ASXL3: variants seen among roughly 807,000 people sequenced by gnomAD.
ASXL3 encodes the protein ASXL transcriptional regulator 3.
ASXL3 carries 34 observed loss-of-function variants against 170.6 expected under a neutral mutation model. The ratio of observed to expected loss-of-function variants is 0.20; its 90% CI spans 0.15 to 0.27. ASXL3 has a LOEUF of 0.27. Among genes scored for constraint, ASXL3 ranks in the 10% least tolerant of loss-of-function variants. The pLI, the probability that ASXL3 is intolerant of heterozygous loss-of-function variation, is 1.00. For synonymous variants in ASXL3, 1,002 were observed against 989.1 expected, an observed-to-expected ratio of 1.01 and a Z score of -0.24; for missense variants, 2,592 against 2,695.3, an observed-to-expected ratio of 0.96 and a Z score of 0.85.
In ASXL3 at chr18:33,745,619, G is replaced by C. The variant is rs1240300038; in HGVS notation, c.5771G>C (p.Gly1924Ala). Residue 1924 changes from glycine to alanine, a missense_variant, in exon 12 of 12, where the codon GGT becomes GCT. Around this residue, in one of 4 missense-constraint regions of ASXL3, gnomAD observed 2,246 missense variants for 2,219.6 expected, o/e 1.01. Transcript: ENST00000269197. ...DKNGGFHTDA[G>A]TSHRQQFYQM... ...AATGGCGGCTTCCACACTGACGCTG[G>C]TACCTCACACAGACAGCAGTTTTAC... The C allele has an allele frequency of 6.2e-7, 1 of 1,613,840 alleles. No individual in the cohort carries two copies. Among genetic ancestry groups the C allele is most frequent in the African/African-American group, 1.3e-5 (1 of 74,918 alleles).
chr18:33,673,359 C>T (rs2066375537), intron 7 of ASXL3, among the ~76,000 whole-genome samples: 1 of 147,272 alleles, frequency 6.8e-6, no homozygotes, highest in Non-Finnish European at 1.5e-5. Flanking sequence ...CTCTCAGGGG[C>T]TGAGATCTTC....
At chr18:33,707,542 A>C (rs1330700555) in intron 8 of ASXL3, among the ~76,000 whole-genome samples, 1 of 151,706 alleles carries the variant, frequency 6.6e-6, no homozygotes, top group African/African-American at 2.4e-5. Context: ...TTTCCAGTGA[A>C]TGTGCTAATT....
chr18:33,720,166 C>T (rs1023714045), intron 8 of ASXL3, among the ~76,000 whole-genome samples: 2 of 151,992 alleles, frequency 1.3e-5, no homozygotes, highest in African/African-American at 2.4e-5. Flanking sequence ...AGGCACGCCC[C>T]ATGCTATTAA....
chr18:33,732,136 T>A, intron 9 of ASXL3, 72 bp downstream of exon 9: 1 of 1,262,342 alleles, frequency 7.9e-7, no homozygotes, highest in African/African-American at 1.5e-5. Flanking sequence ...TACCTTTCTC[T>A]GATTTTTCAG....
At chr18:33,715,914 G>A (rs534347605) in intron 8 of ASXL3, among the ~76,000 whole-genome samples, 6 of 152,126 alleles carry the variant, frequency 3.9e-5, no homozygotes, top group Non-Finnish European at 7.4e-5. Flanking sequence ...TTCAGACATT[G>A]CAGACAGCAA....
chr18:33,640,755 TTTTGAAAGAA>T (rs1254556082), intron 2 of ASXL3, among the ~76,000 whole-genome samples: 1 of 152,066 alleles, frequency 6.6e-6, no homozygotes, highest in Non-Finnish European at 1.5e-5. Context: ...TTATTAATTT[TTTTGAAAGAA>T]TGAGCATATA....
intron 4 of ASXL3, among the ~76,000 whole-genome samples, chr18:33,661,404 C>G (rs2066171663): frequency 6.6e-6 from 1 of 152,020 alleles, no homozygotes; most frequent in Admixed American, 6.6e-5. Flanking sequence ...CGGGTTAGGA[C>G]AGGAAAGCTT....
At chr18:33,733,126 G>A (rs1029915940) in intron 9 of ASXL3, among the ~76,000 whole-genome samples, 3 of 152,028 alleles carry the variant, frequency 2.0e-5, no homozygotes, top group Non-Finnish European at 4.4e-5. Context: ...TCCCTAAGCT[G>A]CCTCATTCAC....
intron 1 of ASXL3, among the ~76,000 whole-genome samples, chr18:33,583,910 T>C (rs1033913431): frequency 1.3e-5 from 2 of 152,180 alleles, no homozygotes; most frequent in Non-Finnish European, 2.9e-5. Flanking sequence ...TGTATATGAT[T>C]CAGATGCTGT....
At chr18:33,601,967 A>G (rs2065188408) in intron 1 of ASXL3, among the ~76,000 whole-genome samples, 1 of 150,944 alleles carries the variant, frequency 6.6e-6, no homozygotes, top group African/African-American at 2.4e-5. Flanking sequence ...ATTGTTATTT[A>G]TTTATTTTTA....
At position 33,736,444 on chromosome 18, in the gene ASXL3, A is replaced by AT. The variant is rs2067549264; in HGVS notation, c.1082+2029_1082+2030insT. ...TTTCATCACATGTTGCATGGCAGAT[A>AT]CATTTTGAACATTTCATTGACTGCC... On this transcript the variant is annotated intron_variant, in intron 10 of 11. Transcript: ENST00000269197. Among the ~76,000 whole-genome samples the AT allele has an allele frequency of 3.3e-5, 5 of 152,190 alleles. No individual in the cohort carries two copies. The South Asian group carries it at 1.0e-3, about 32-fold the overall frequency.
At chr18:33,636,650 C>T (rs986913465) in intron 2 of ASXL3, among the ~76,000 whole-genome samples, 4 of 152,006 alleles carry the variant, frequency 2.6e-5, no homozygotes, top group African/African-American at 7.3e-5. Flanking sequence ...ATTGTGCCCA[C>T]GGCTGAGTGA....
rs2067834049 is a variant in ASXL3 at position 33,748,535 on chromosome 18, T to C, written c.*1940T>C. On this transcript the variant is annotated 3_prime_UTR_variant, in exon 12 of 12. Coordinates refer to ENST00000269197, the MANE Select transcript of ASXL3 (RefSeq NM_030632.3). Reference sequence around the variant, plus strand: ...AATGACTGAGAAAGTTAGTTAGCAATGCACTTAACCAGCCTTACCCGAGGA... The same window carrying C: ...AATGACTGAGAAAGTTAGTTAGCAACGCACTTAACCAGCCTTACCCGAGGA... 1.3e-5 allele frequency: 2 copies of C among 152,212 alleles called. No homozygotes were observed. The highest frequency in any genetic ancestry group is 1.3e-4 in the Admixed American group (2 of 15,288). The allele number at this position is 152,212 out of a possible 1,614,324, so 9.4% of individuals were successfully genotyped here. A position where few individuals can be genotyped will look rare whatever the true frequency, so the allele number is the denominator to read the frequency against.
chr18:33,611,293 C>T (rs969497230), intron 2 of ASXL3, among the ~76,000 whole-genome samples: 2 of 151,742 alleles, frequency 1.3e-5, no homozygotes, highest in African/African-American at 4.8e-5. Flanking sequence ...AATAAATTGT[C>T]AGAAGGACAT....
chr18:33,668,209 T>C (rs2066287849), intron 5 of ASXL3, among the ~76,000 whole-genome samples: 1 of 152,128 alleles, frequency 6.6e-6, no homozygotes, highest in South Asian at 2.1e-4. Flanking sequence ...GGAGATCACT[T>C]GAGGTCAGGA....
chr18:33,597,815 A>G (rs540541822), intron 1 of ASXL3, among the ~76,000 whole-genome samples: 2 of 151,828 alleles, frequency 1.3e-5, no homozygotes, highest in Non-Finnish European at 2.9e-5. Flanking sequence ...AACAAAAAAA[A>G]CAAAAAACAA....
intron 7 of ASXL3, among the ~76,000 whole-genome samples, chr18:33,673,886 C>T (rs1037652912): frequency 4.6e-5 from 7 of 152,236 alleles, no homozygotes; most frequent in African/African-American, 7.2e-5. Context: ...AATGAAAGAG[C>T]GCCCCCAATC....
intron 1 of ASXL3, among the ~76,000 whole-genome samples, chr18:33,579,518 C>T (rs1162715446): frequency 6.6e-6 from 1 of 152,132 alleles, no homozygotes; most frequent in African/African-American, 2.4e-5. Flanking sequence ...TTTTAATCAT[C>T]GAAAGAATGT....
rs769211555 is a variant in ASXL3 at position 33,740,427 on chromosome 18, G to A, written c.3023G>A (p.Arg1008Lys). ...GAACAGCCTCCCAGAGAGGAACCAA[G>A]GGTTCCCCCTCTCAAGGTATGGTAT... ...EKEQPPREEP[R>K]VPPLKIQLSK... The change falls in exon 11 of 12, where the codon AGG becomes AAG. Residue 1008 changes from arginine to lysine, a missense_variant. By Grantham distance (26) the Arg-to-Lys change is conservative. Coordinates refer to ENST00000269197, the MANE Select transcript of ASXL3 (RefSeq NM_030632.3). 1.3e-4 allele frequency: 200 copies of A among 1,574,670 alleles called. No individual in the cohort carries two copies. The highest frequency in any genetic ancestry group is 1.6e-4 in the Non-Finnish European group (192 of 1,166,434).
Sources: allele counts gnomAD v4.1 joint callset (sites outside exome capture counted in the v4.1 genomes callset), GRCh38; gene constraint gnomAD v4.1.1; regional missense constraint gnomAD v4.1.1; transcripts MANE v1.5; gene names NCBI Gene and HGNC (gene_info 2026-07-23, HGNC 2026-07-21).